The following TRHDE variants were observed in gnomAD, a reference collection of about 807,000 sequenced individuals.
TRHDE encodes thyrotropin releasing hormone degrading enzyme.
Under a neutral mutation model 125.7 loss-of-function variants are expected in TRHDE, and 72 were observed. That is an observed-to-expected ratio of 0.57 (90% CI 0.47 to 0.70). The LOEUF is 0.70. TRHDE is among the 30% of genes least tolerant of loss of function. The pLI is 0.00. For missense variants in TRHDE, 1,110 were observed against 1,327.1 expected, an observed-to-expected ratio of 0.84 and a Z score of 2.54; for synonymous variants, 509 against 509.1, an observed-to-expected ratio of 1.00 and a Z score of 0.00.
chr12:72,402,529 T>G (rs1873086203), intron 3 of TRHDE, among the ~76,000 whole-genome samples: 1 of 152,184 alleles, frequency 6.6e-6, no homozygotes, highest in Non-Finnish European at 1.5e-5. Flanking sequence ...TCCTACTGCC[T>G]GGGTCTGTCC....
At chr12:72,277,854 T>C (rs1471408798) in intron 1 of TRHDE, among the ~76,000 whole-genome samples, 3 of 152,168 alleles carry the variant, frequency 2.0e-5, no homozygotes, top group Non-Finnish European at 4.4e-5. Flanking sequence ...TATATTTATC[T>C]TGTATAATCT....
intron 2 of TRHDE, among the ~76,000 whole-genome samples, chr12:72,189,408 C>G (rs1470597815): frequency 2.0e-5 from 3 of 152,082 alleles, no homozygotes; most frequent in East Asian, 3.9e-4. Flanking sequence ...TAATACCAAC[C>G]CTCCAACTTT....
intron 2 of TRHDE, among the ~76,000 whole-genome samples, chr12:72,223,039 T>C (rs1202674213): frequency 1.3e-5 from 2 of 152,080 alleles, no homozygotes; most frequent in Non-Finnish European, 1.5e-5. Flanking sequence ...ATGGGCCCTA[T>C]ATGACAAGTG....
At chr12:72,470,158 A>G (rs1592469030) in intron 4 of TRHDE, among the ~76,000 whole-genome samples, 1 of 152,206 alleles carries the variant, frequency 6.6e-6, no homozygotes, top group South Asian at 2.1e-4. Flanking sequence ...TGGCACTGCC[A>G]CCCAGCAGCC....
intron 2 of TRHDE, among the ~76,000 whole-genome samples, chr12:72,168,205 G>A (rs533501755): frequency 1.3e-5 from 2 of 152,284 alleles, no homozygotes; most frequent in South Asian, 4.1e-4. Flanking sequence ...TAAACTGAAA[G>A]CAGCTTTTTA....
At chr12:72,389,056 C>A (rs748818100) in intron 3 of TRHDE, among the ~76,000 whole-genome samples, 1 of 151,384 alleles carries the variant, frequency 6.6e-6, no homozygotes, top group African/African-American at 2.4e-5. Flanking sequence ...ACTTTTAATA[C>A]GGGAGAGAGG....
intron 3 of TRHDE, among the ~76,000 whole-genome samples, chr12:72,412,836 A>G (rs1235830825): frequency 6.6e-6 from 1 of 152,096 alleles, no homozygotes; most frequent in Non-Finnish European, 1.5e-5. Flanking sequence ...AAACAGCAGA[A>G]CTAAATGGTT....
At chr12:72,229,155 T>C (rs1878198862) in intron 2 of TRHDE, among the ~76,000 whole-genome samples, 1 of 152,164 alleles carries the variant, frequency 6.6e-6, no homozygotes, top group Non-Finnish European at 1.5e-5. Flanking sequence ...ATTAGCCCAT[T>C]CTCATGCTGC....
chr12:72,535,425 G>C (rs1868805130), intron 6 of TRHDE, among the ~76,000 whole-genome samples: 1 of 152,082 alleles, frequency 6.6e-6, no homozygotes, highest in Non-Finnish European at 1.5e-5. Context: ...CAGCTATGCA[G>C]AGGTAGAGGC....
intron 2 of TRHDE, among the ~76,000 whole-genome samples, chr12:72,117,246 T>A (rs1266234813): frequency 6.6e-6 from 1 of 151,724 alleles, no homozygotes; most frequent in African/African-American, 2.4e-5. Context: ...TTTTGATTTG[T>A]TTTTTTATAT....
intron 15 of TRHDE, among the ~76,000 whole-genome samples, chr12:72,639,459 C>T (rs541896169): frequency 2.2e-4 from 33 of 152,132 alleles, no homozygotes; most frequent in African/African-American, 6.7e-4. Flanking sequence ...AATGTCCTCC[C>T]GTAGCTCGGA....
intron 2 of TRHDE, among the ~76,000 whole-genome samples, chr12:72,129,999 C>G (rs1408043133): frequency 1.3e-5 from 2 of 152,150 alleles, no homozygotes; most frequent in African/African-American, 4.8e-5. Context: ...ATTGTTAGAA[C>G]ATGTTAAAGA....
chr12:72,519,870 C>A (rs1424976860), intron 6 of TRHDE, among the ~76,000 whole-genome samples: 1 of 152,138 alleles, frequency 6.6e-6, no homozygotes, highest in Non-Finnish European at 1.5e-5. Context: ...ACAGACAGGA[C>A]CCTCAGCTGC....
intron 3 of TRHDE, among the ~76,000 whole-genome samples, chr12:72,387,686 A>G (rs1024880373): frequency 3.9e-5 from 6 of 152,134 alleles, no homozygotes; most frequent in African/African-American, 1.4e-4. Flanking sequence ...ATGTTGTGCA[A>G]GGGACCCAGT....
intron 3 of TRHDE, among the ~76,000 whole-genome samples, chr12:72,468,217 G>A (rs144903426): frequency 2.2e-3 from 340 of 152,250 alleles, no homozygotes; most frequent in African/African-American, 7.4e-3. Context: ...TATTCTACTT[G>A]TTTTTAAATA....
In TRHDE at chr12:72,663,405, C is replaced by A. The variant is rs1592603139; in HGVS notation, c.*210C>A. Reference sequence around the variant, plus strand: ...CTGTTCTGTTTCTCTACTGGGTGTTCCTCTCTAAAGAAACTCTTGCAAGTG... The same window carrying A: ...CTGTTCTGTTTCTCTACTGGGTGTTACTCTCTAAAGAAACTCTTGCAAGTG... On this transcript the variant is annotated 3_prime_UTR_variant, in exon 19 of 19. Transcript: ENST00000261180. 2.6e-6 allele frequency: 1 copy of A among 390,018 alleles called. No individual in the cohort carries two copies. The highest frequency in any genetic ancestry group is 4.3e-5 in the East Asian group (1 of 23,186). The allele number at this position is 390,018 out of a possible 1,614,324, so 24.2% of individuals were successfully genotyped here.
chr12:72,593,678 G>A (rs1446301503), intron 12 of TRHDE, among the ~76,000 whole-genome samples: 1 of 151,052 alleles, frequency 6.6e-6, no homozygotes, highest in Non-Finnish European at 1.5e-5. Flanking sequence ...CTCCCACCCT[G>A]CTGACAGGCC....
At chr12:72,643,098 T>C (rs1440163245) in intron 15 of TRHDE, among the ~76,000 whole-genome samples, 3 of 152,210 alleles carry the variant, frequency 2.0e-5, no homozygotes, top group African/African-American at 4.8e-5. Flanking sequence ...TTGTGAACTT[T>C]AGATTGATTC....
intron 3 of TRHDE, among the ~76,000 whole-genome samples, chr12:72,468,242 A>G (rs1472897193): frequency 6.6e-6 from 1 of 152,204 alleles, no homozygotes; most frequent in African/African-American, 2.4e-5. Context: ...ATGTTATTAT[A>G]GGGTCATTTT....
Sources: gnomAD v4.1 joint callset for allele counts (sites outside exome capture counted in the v4.1 genomes callset) on GRCh38, gnomAD v4.1.1 for gene constraint, MANE v1.5 for transcripts, NCBI Gene and HGNC (gene_info 2026-07-23, HGNC 2026-07-21) for gene names.